The following FAM3C variants were observed in gnomAD, a reference collection of about 807,000 sequenced individuals.
FAM3C encodes the protein protein FAM3C.
A neutral mutation model predicts 32.5 loss-of-function variants in FAM3C; 15 were observed. The observed-to-expected ratio is 0.46, with a 90% CI of 0.31 to 0.71. FAM3C has a LOEUF of 0.71. Among genes scored for constraint, FAM3C ranks in the 30% least tolerant of loss-of-function variants. The probability of loss-of-function intolerance (pLI) is 0.05; values close to 1 mark genes in which losing one functional copy is unlikely to be tolerated. For missense variants in FAM3C, 175 were observed against 274.4 expected (o/e 0.64, Z 2.56); for synonymous variants, 75 against 86.1 (o/e 0.87, Z 0.72).
chr7:121,370,979 T>A lies in FAM3C; in HGVS notation c.272+321A>T, dbSNP rs971845670. Among the ~76,000 whole-genome samples the A allele has an allele frequency of 4.6e-5, 7 of 152,196 alleles. No homozygotes were observed. In the East Asian group the frequency reaches 1.3e-3, roughly 29 times the overall value. ...TTAAGTGAATTAACTTTCTTCCTAA[T>A]ATTTAAGGATCAAAATTAAATAGCC... On this transcript the variant is annotated intron_variant, in intron 5 of 9. Coordinates refer to ENST00000359943, the MANE Select transcript of FAM3C (RefSeq NM_014888.3).
chr7:121,373,720 A>C (rs1794189441), intron 3 of FAM3C, among the ~76,000 whole-genome samples: 1 of 152,158 alleles, frequency 6.6e-6, no homozygotes, highest in South Asian at 2.1e-4. Flanking sequence ...AAATAAATTC[A>C]ATAGAACATT....
intron 7 of FAM3C, among the ~76,000 whole-genome samples, chr7:121,362,357 T>C (rs1489785131): frequency 6.6e-6 from 1 of 152,214 alleles, no homozygotes; most frequent in African/African-American, 2.4e-5. Flanking sequence ...CAAATATTCA[T>C]CTACCTAAAA....
At chr7:121,361,745 G>A (rs1411430531) in intron 7 of FAM3C, among the ~76,000 whole-genome samples, 1 of 152,078 alleles carries the variant, frequency 6.6e-6, no homozygotes, top group African/African-American at 2.4e-5. Context: ...GCAAGATCTC[G>A]GCTCACCGCA....
intron 1 of FAM3C, among the ~76,000 whole-genome samples, chr7:121,392,429 A>C (rs986794704): frequency 2.0e-5 from 3 of 152,110 alleles, no homozygotes; most frequent in South Asian, 2.1e-4. Context: ...AAACCATCAG[A>C]TCTTGTAAGA....
chr7:121,358,583 G>A (rs1369647003), intron 8 of FAM3C, among the ~76,000 whole-genome samples: 2 of 118,334 alleles, frequency 1.7e-5, no homozygotes, highest in Non-Finnish European at 4.4e-5. Context: ...CAGGTCAAGT[G>A]AATGGAACAG....
At chr7:121,370,220 C>G (rs1794118469) in intron 5 of FAM3C, among the ~76,000 whole-genome samples, 1 of 152,156 alleles carries the variant, frequency 6.6e-6, no homozygotes, top group Admixed American at 6.5e-5. Flanking sequence ...AATAAATCAT[C>G]ATTAGAATAC....
chr7:121,368,249 G>C (rs891458764), intron 5 of FAM3C, among the ~76,000 whole-genome samples: 5 of 152,116 alleles, frequency 3.3e-5, no homozygotes, highest in South Asian at 2.1e-4. Context: ...ATGTTTAACA[G>C]CATCTCTGGC....
chr7:121,368,343 C>T (rs1794065974), intron 5 of FAM3C, among the ~76,000 whole-genome samples: 2 of 152,202 alleles, frequency 1.3e-5, no homozygotes, highest in Admixed American at 1.3e-4. Flanking sequence ...TTGAGACACA[C>T]TGATCCAAGA....
At chr7:121,369,929 A>C (rs1276549143) in intron 5 of FAM3C, among the ~76,000 whole-genome samples, 1 of 142,442 alleles carries the variant, frequency 7.0e-6, no homozygotes, top group Non-Finnish European at 1.5e-5. Context: ...GTGAATAAAA[A>C]ACCTGCTAGT....
At chr7:121,391,128 CT>C (rs1048090628) in intron 1 of FAM3C, among the ~76,000 whole-genome samples, 3 of 152,176 alleles carry the variant, frequency 2.0e-5, no homozygotes, top group African/African-American at 7.2e-5. Flanking sequence ...CAGAATTTTG[CT>C]TAAAAAGTTA....
At chr7:121,352,576 G>T (rs183036727) in intron 8 of FAM3C, among the ~76,000 whole-genome samples, 77 of 152,338 alleles carry the variant, frequency 5.1e-4, no homozygotes, top group Middle Eastern at 3.4e-3. Context: ...TGAAATGACT[G>T]TGCAGAAGAA....
intron 5 of FAM3C, 51 bp from the exon 6 acceptor site, chr7:121,364,239 CA>C: frequency 8.4e-7 from 1 of 1,187,844 alleles, no homozygotes; most frequent in Non-Finnish European, 1.2e-6. Flanking sequence ...TGTACAATAA[CA>C]TATCAGAAAA....
intron 1 of FAM3C, among the ~76,000 whole-genome samples, chr7:121,393,432 T>C (rs944207487): frequency 6.6e-5 from 10 of 152,170 alleles, no homozygotes; most frequent in Non-Finnish European, 1.0e-4. Context: ...TGGGGTACCC[T>C]GTCTTTGTAA....
intron 3 of FAM3C, among the ~76,000 whole-genome samples, chr7:121,373,548 T>C (rs545162810): frequency 6.6e-6 from 1 of 152,204 alleles, no homozygotes; most frequent in Non-Finnish European, 1.5e-5. Flanking sequence ...CTTCATTTCA[T>C]GGAACAATAA....
intron 5 of FAM3C, among the ~76,000 whole-genome samples, chr7:121,368,548 A>C (rs1462225598): frequency 6.6e-6 from 1 of 152,082 alleles, no homozygotes; most frequent in Non-Finnish European, 1.5e-5. Context: ...TGTCCTCTCT[A>C]TTCCACTTCC....
At position 121,372,140 on chromosome 7, in the gene FAM3C, C is replaced by T; in HGVS notation, c.119-1G>A. On this transcript the variant is annotated splice_acceptor_variant, in intron 3 of 9. Coordinates refer to ENST00000359943, the MANE Select transcript of FAM3C (RefSeq NM_014888.3). LOFTEE classifies it high-confidence loss of function. ...GCAGCTGTGTCCAATGCTGATCTTGCTGAAAAAAAAAAATTACTTTTGTTA... is the reference window on the plus strand; with the variant it reads ...GCAGCTGTGTCCAATGCTGATCTTGTTGAAAAAAAAAAATTACTTTTGTTA... The T allele has an allele frequency of 6.3e-7, 1 of 1,596,360 alleles. No homozygotes were observed. Among genetic ancestry groups the T allele is most frequent in the Non-Finnish European group, 8.5e-7 (1 of 1,170,238 alleles).
At position 121,362,910 on chromosome 7, in the gene FAM3C, G is replaced by A. The variant is rs575490353; in HGVS notation, c.369C>T (p.Asp123=). 7.0e-5 allele frequency: 108 copies of A among 1,547,366 alleles called. No individual in the cohort carries two copies. The highest frequency in any genetic ancestry group is 9.1e-5 in the Non-Finnish European group (102 of 1,125,274). The change falls in exon 7 of 10, where the codon GAC becomes GAT. Residue 123 remains aspartate (D), a synonymous_variant. Coordinates refer to ENST00000359943, the MANE Select transcript of FAM3C (RefSeq NM_014888.3). ...ATTTATGCTTACCTCCTCCCCACAT[G>A]TCAAAATATTTAGTGTCTAATACTT... ...TGEVLDTKYF[D]MWGGDVAPFI... is the part of the protein sequence containing the mutation.
intron 3 of FAM3C, among the ~76,000 whole-genome samples, chr7:121,377,077 A>T (rs545643592): frequency 6.6e-6 from 1 of 152,252 alleles, no homozygotes; most frequent in East Asian, 1.9e-4. Flanking sequence ...AGTGGGAAGT[A>T]ATTGAATCCT....
chr7:121,386,884 C>G (rs988793670), intron 1 of FAM3C, among the ~76,000 whole-genome samples: 1 of 151,966 alleles, frequency 6.6e-6, no homozygotes, highest in Middle Eastern at 3.4e-3. Context: ...TAGGTTACTC[C>G]GATGTTGCAT....
Sources: allele counts gnomAD v4.1 joint callset (sites outside exome capture counted in the v4.1 genomes callset), GRCh38; gene constraint gnomAD v4.1.1; transcripts MANE v1.5; gene names NCBI Gene and HGNC (gene_info 2026-07-23, HGNC 2026-07-21).